DISC1: variants seen among roughly 807,000 people sequenced by gnomAD.
DISC1 encodes disrupted in schizophrenia 1 protein.
In DISC1, 57 loss-of-function variants were observed where a neutral mutation model predicts 84.5. The observed-to-expected ratio is 0.67, with a 90% CI of 0.55 to 0.84. DISC1 has a LOEUF of 0.84. DISC1 is among the 40% of genes least tolerant of loss of function. The pLI is 0.00. For missense variants in DISC1, 1,000 were observed against 1,057.8 expected (o/e 0.95, Z 0.76); for synonymous variants, 411 against 415.2 (o/e 0.99, Z 0.12).
chr1:231,727,613 A>G (rs1040578247), intron 3 of DISC1, among the ~76,000 whole-genome samples: 1 of 152,188 alleles, frequency 6.6e-6, no homozygotes. Flanking sequence ...TCAAGAAGCA[A>G]TTAAACCCAT....
intron 9 of DISC1, among the ~76,000 whole-genome samples, chr1:231,880,974 T>C (rs1316008142): frequency 6.6e-6 from 1 of 152,172 alleles, no homozygotes; most frequent in African/African-American, 2.4e-5. Context: ...TCCAAGACAG[T>C]AGGCAGCAAA....
At chr1:231,751,880 A>G (rs911025687) in intron 4 of DISC1, among the ~76,000 whole-genome samples, 3 of 152,234 alleles carry the variant, frequency 2.0e-5, no homozygotes, top group Non-Finnish European at 4.4e-5. Context: ...AAAATAACTC[A>G]TTTAATGTTC....
chr1:231,950,594 A>C (rs1032807591), intron 9 of DISC1, among the ~76,000 whole-genome samples: 4 of 152,118 alleles, frequency 2.6e-5, no homozygotes, highest in African/African-American at 9.7e-5. Context: ...TACCGCAAGC[A>C]TTTGGTTTTT....
intron 9 of DISC1, among the ~76,000 whole-genome samples, chr1:231,924,304 C>CAGCT (rs2090200188): frequency 6.6e-6 from 1 of 152,194 alleles, no homozygotes; most frequent in African/African-American, 2.4e-5. Flanking sequence ...CGAGCACGAA[C>CAGCT]AGCTGTACAT....
In DISC1 at chr1:231,767,160, ACACCC is replaced by A; in HGVS notation, c.1293_1297del (p.Pro432GlufsTer125). 6.2e-7 allele frequency: 1 copy of A among 1,614,212 alleles called. No homozygotes were observed. ...TTAAGGGCCAGCGGAGATGACACCC[ACACCC>A]CACTGAGAATGGAGCCGAGGCTGTT... On this transcript the variant is annotated frameshift_variant, in exon 5 of 13. Transcript: ENST00000439617. LOFTEE classifies it high-confidence loss of function.
chr1:231,686,367 G>A (rs2064276410), intron 1 of DISC1, among the ~76,000 whole-genome samples: 1 of 152,336 alleles, frequency 6.6e-6, no homozygotes, highest in East Asian at 1.9e-4. Flanking sequence ...TGAAATCTAG[G>A]TGGTGGTTCC....
At position 231,995,146 on chromosome 1, in the gene DISC1, TAAC is replaced by T. The variant is rs1232859736; in HGVS notation, c.2043-13634_2043-13632del. Among the ~76,000 whole-genome samples the T allele has an allele frequency of 2.0e-5, 3 of 152,080 alleles. No homozygotes were observed. The East Asian group carries it at 5.8e-4, about 29-fold the overall frequency. ...AGGAATAAAATTTAAACATGTCTAA[TAAC>T]AACATTTTTTTTTTCTGAATTGGAG... is the stretch of plus-strand genomic sequence containing the variant. On this transcript the variant is annotated intron_variant, in intron 10 of 12. Transcript: ENST00000439617.
At chr1:231,668,268 A>G in intron 1 of DISC1, among the ~76,000 whole-genome samples, 1 of 152,176 alleles carries the variant, frequency 6.6e-6, no homozygotes, top group East Asian at 1.9e-4. Context: ...GCAAATTTTA[A>G]GTATACAATG....
chr1:231,987,289 AT>A (rs35908047), intron 10 of DISC1, among the ~76,000 whole-genome samples: 40,795 of 152,036 alleles, frequency 0.27, 5,713 homozygotes, highest in Non-Finnish European at 0.28. Flanking sequence ...CCCCTGAAAG[AT>A]TTTTTTCGCT....
At chr1:231,887,236 G>A in intron 9 of DISC1, among the ~76,000 whole-genome samples, 1 of 152,226 alleles carries the variant, frequency 6.6e-6, no homozygotes, top group South Asian at 2.1e-4. Context: ...TCAGACAGCT[G>A]GTTCCTTCTT....
intron 1 of DISC1, among the ~76,000 whole-genome samples, chr1:231,653,775 C>T (rs577646324): frequency 2.6e-5 from 4 of 152,300 alleles, no homozygotes; most frequent in Non-Finnish European, 5.9e-5. Flanking sequence ...GATGTGCTGT[C>T]TTCCCCATCA....
At chr1:231,976,175 A>T (rs1662770575) in intron 10 of DISC1, among the ~76,000 whole-genome samples, 2 of 152,188 alleles carry the variant, frequency 1.3e-5, no homozygotes, top group Non-Finnish European at 2.9e-5. Flanking sequence ...AGTGTTCATT[A>T]ATGGGTCTGT....
intron 4 of DISC1, among the ~76,000 whole-genome samples, chr1:231,754,133 A>C (rs2074896648): frequency 6.6e-6 from 1 of 151,758 alleles, no homozygotes. Flanking sequence ...CACTCTTCCA[A>C]CCTCAGCCCA....
chr1:231,988,849 A>G (rs1330802890), intron 10 of DISC1, among the ~76,000 whole-genome samples: 4 of 152,236 alleles, frequency 2.6e-5, no homozygotes, highest in African/African-American at 4.8e-5. Flanking sequence ...GTGGACTTCA[A>G]TGACACTTCC....
chr1:231,906,787 G>A (rs1354763028), intron 9 of DISC1, among the ~76,000 whole-genome samples: 1 of 151,872 alleles, frequency 6.6e-6, no homozygotes, highest in Non-Finnish European at 1.5e-5. Context: ...TAAAACAGGA[G>A]CTGCGTACGT....
At chr1:231,779,552 T>G (rs2125516770) in intron 6 of DISC1, among the ~76,000 whole-genome samples, 1 of 104,240 alleles carries the variant, frequency 9.6e-6, no homozygotes, top group Non-Finnish European at 1.9e-5. Flanking sequence ...TATTCTTGTT[T>G]TTTTTTTTTT....
At chr1:231,998,983 T>G (rs1572563132) in intron 10 of DISC1, among the ~76,000 whole-genome samples, 1 of 152,230 alleles carries the variant, frequency 6.6e-6, no homozygotes, top group East Asian at 1.9e-4. Flanking sequence ...ATGTAGAAAT[T>G]GAAAAGCTCA....
In DISC1 at chr1:232,009,173, G is replaced by A. The variant is rs1667803474; in HGVS notation, c.2307+124G>A. The A allele has an allele frequency of 3.4e-6, 5 of 1,474,390 alleles. No homozygotes were observed. The highest frequency in any genetic ancestry group is 4.8e-5 in the Admixed American group (2 of 41,576). The allele number at this position is 1,474,390 out of a possible 1,614,324, so 91.3% of individuals were successfully genotyped here. A position where few individuals can be genotyped will look rare whatever the true frequency, so the allele number is the denominator to read the frequency against. On this transcript the variant is annotated intron_variant, in intron 11 of 12. Transcript: ENST00000439617. The surrounding 1 kb of genome is among the most constrained non-coding windows in gnomAD (Gnocchi z 4.6). Reference sequence around the variant, plus strand: ...CCATTGAGCATATAAACTTTTAAAAGTTTCAATAACTCTTGAATATGATTA... The same window carrying A: ...CCATTGAGCATATAAACTTTTAAAAATTTCAATAACTCTTGAATATGATTA...
At chr1:231,891,381 AT>A (rs1379255172) in intron 9 of DISC1, among the ~76,000 whole-genome samples, 4 of 152,226 alleles carry the variant, frequency 2.6e-5, no homozygotes, top group Admixed American at 2.6e-4. Context: ...AGACCAATAG[AT>A]CAGGAGGTAA....
Sources: gnomAD v4.1 joint callset for allele counts (sites outside exome capture counted in the v4.1 genomes callset) on GRCh38, gnomAD v4.1.1 for gene constraint, Gnocchi (gnomAD v3.1) non-coding constraint, MANE v1.5 for transcripts, NCBI Gene and HGNC (gene_info 2026-07-23, HGNC 2026-07-21) for gene names.